AFF1: variants seen among roughly 807,000 people sequenced by gnomAD.
AFF1 encodes ALF transcription elongation factor 1, also known as AF4/FMR2 family member 1.
Under a neutral mutation model 121.7 loss-of-function variants are expected in AFF1, and 48 were observed. The ratio of observed to expected loss-of-function variants is 0.39; its 90% confidence interval spans 0.31 to 0.50. The LOEUF (loss-of-function observed/expected upper bound fraction) is 0.50. AFF1 is among the 20% of genes least tolerant of loss of function. The probability of loss-of-function intolerance (pLI) is 0.76; values close to 1 mark genes in which losing one functional copy is unlikely to be tolerated. For synonymous variants in AFF1, 613 were observed against 563.0 expected (o/e 1.09, Z -1.26); for missense variants, 1,523 against 1,511.7 (o/e 1.01, Z -0.12).
At chr4:86,975,576 C>T (rs1171591949) in intron 2 of AFF1, among the ~76,000 whole-genome samples, 3 of 152,174 alleles carry the variant, frequency 2.0e-5, no homozygotes, top group Non-Finnish European at 4.4e-5. Flanking sequence ...TATTTGGTTT[C>T]AGTCCAACAA....
At position 87,084,262 on chromosome 4, in the gene AFF1, G is replaced by T. The variant is rs1405242943; in HGVS notation, c.1104+98G>T. The T allele has an allele frequency of 5.3e-6, 7 of 1,328,282 alleles. No individual in the cohort carries two copies. The East Asian group carries it at 1.6e-4, about 31-fold the overall frequency. 82.3% of individuals were successfully genotyped at this position (1,328,282 alleles called of 1,614,324 possible). A position where few individuals can be genotyped will look rare whatever the true frequency, so the allele number is the denominator to read the frequency against. ...TTTAAAGAACAGTTGCCATTGGCTG[G>T]GTGCGGTGGCTCATGCCTGTAATCC... On this transcript the variant is annotated intron_variant, in intron 5 of 20. Coordinates refer to ENST00000395146, the MANE Select transcript of AFF1 (RefSeq NM_001166693.3).
chr4:86,957,597 C>CAGTGTTGTGATCTCCAA (rs755534586), intron 2 of AFF1, among the ~76,000 whole-genome samples: 18 of 152,226 alleles, frequency 1.2e-4, no homozygotes, highest in East Asian at 7.7e-4. Context: ...GGCTGGAGTG[C>CAGTGTTGTGATCTCCAA]AGTGTTGTGA....
intron 2 of AFF1, among the ~76,000 whole-genome samples, chr4:87,042,662 C>T (rs979975563): frequency 5.3e-5 from 8 of 152,054 alleles, no homozygotes; most frequent in Non-Finnish European, 1.0e-4. Context: ...ACATGTCTGC[C>T]GATAAAATCT....
intron 1 of AFF1, among the ~76,000 whole-genome samples, chr4:86,947,240 T>C (rs1720931751): frequency 6.6e-6 from 1 of 152,216 alleles, no homozygotes; most frequent in East Asian, 1.9e-4. Context: ...AGATCTCTGC[T>C]AGTGTGAGTT....
chr4:87,114,243 A>G (rs1726840869), intron 11 of AFF1, 124 bp from the exon 12 acceptor site: 1 of 797,944 alleles, frequency 1.3e-6, no homozygotes, highest in Non-Finnish European at 1.9e-6. Context: ...ACCGGAACCT[A>G]AATTCTGGGT....
intron 2 of AFF1, among the ~76,000 whole-genome samples, chr4:87,041,111 A>G (rs1425209132): frequency 2.6e-5 from 4 of 151,878 alleles, no homozygotes; most frequent in Admixed American, 2.6e-4. Flanking sequence ...TCCTGACCTC[A>G]AGTGATCCGC....
intron 4 of AFF1, among the ~76,000 whole-genome samples, chr4:87,060,517 G>A (rs920644612): frequency 3.9e-5 from 6 of 152,160 alleles, no homozygotes; most frequent in East Asian, 1.9e-4. Flanking sequence ...AGACCACAAC[G>A]GTATCATTAA....
chr4:87,069,728 C>T (rs904216682), intron 4 of AFF1, among the ~76,000 whole-genome samples: 6 of 150,680 alleles, frequency 4.0e-5, no homozygotes, highest in Non-Finnish European at 8.8e-5. Context: ...AGTTTTGTAT[C>T]TGGAGAAAAT....
chr4:87,111,003 TTTTTTTTTA>T (rs1227752628), intron 11 of AFF1, among the ~76,000 whole-genome samples: 2 of 83,088 alleles, frequency 2.4e-5, no homozygotes, highest in African/African-American at 1.1e-4. Context: ...ACTTTATTTT[TTTTTTTTTA>T]TTTTTTTTTT....
rs1560547424 is a variant in AFF1, at chr4:87,022,587, T to TA, written c.39-23579_39-23578insA. On this transcript the variant is annotated intron_variant, in intron 2 of 20. Coordinates refer to ENST00000395146, the MANE Select transcript of AFF1 (RefSeq NM_001166693.3). ...ATATATATATATATATATATATCTA[T>TA]CTATATCTATCTGTGTGTATATATA... Among the ~76,000 whole-genome samples the TA allele has an allele frequency of 2.1e-3, 195 of 91,684 alleles. 1 individual carries two copies. The highest frequency in any genetic ancestry group is 0.01 in the African/African-American group (178 of 17,306). The allele number at this position is 91,684 out of a possible 152,430, so 60.1% of individuals were successfully genotyped here. A position where few individuals can be genotyped will look rare whatever the true frequency, so the allele number is the denominator to read the frequency against.
At chr4:86,945,319 CTTTTTTTTT>C (rs72025655) in intron 1 of AFF1, among the ~76,000 whole-genome samples, 4 of 111,692 alleles carry the variant, frequency 3.6e-5, no homozygotes, top group African/African-American at 8.5e-5. Flanking sequence ...TTTTCTTTTC[CTTTTTTTTT>C]TTTTTTTTTT....
intron 2 of AFF1, among the ~76,000 whole-genome samples, chr4:86,954,760 T>C (rs1447653234): frequency 1.3e-5 from 2 of 152,104 alleles, no homozygotes; most frequent in Non-Finnish European, 2.9e-5. Context: ...GTATTTACTG[T>C]TCATTAAGTG....
intron 2 of AFF1, among the ~76,000 whole-genome samples, chr4:86,984,523 C>T (rs1051202257): frequency 6.6e-6 from 1 of 151,934 alleles, no homozygotes; most frequent in African/African-American, 2.4e-5. Context: ...AGGGTTTCAC[C>T]GTGTTGCCCA....
intron 2 of AFF1, among the ~76,000 whole-genome samples, chr4:86,987,725 G>A (rs1026567179): frequency 1.4e-4 from 21 of 152,136 alleles, no homozygotes; most frequent in African/African-American, 5.1e-4. Context: ...GGCCGAGGCG[G>A]GTGGATTACT....
chr4:86,993,799 C>T (rs1724908404), intron 2 of AFF1, among the ~76,000 whole-genome samples: 1 of 151,902 alleles, frequency 6.6e-6, no homozygotes, highest in African/African-American at 2.4e-5. Context: ...CCCATCTCTA[C>T]TAAAAATACA....
At chr4:87,117,733 G>A (rs1292105286) in intron 12 of AFF1, among the ~76,000 whole-genome samples, 2 of 152,166 alleles carry the variant, frequency 1.3e-5, no homozygotes, top group Non-Finnish European at 2.9e-5. Context: ...CCAGTCAACC[G>A]TATTCTTATT....
chr4:87,017,609 A>T (rs983743127), intron 2 of AFF1, among the ~76,000 whole-genome samples: 1 of 152,242 alleles, frequency 6.6e-6, no homozygotes, highest in East Asian at 1.9e-4. Flanking sequence ...CCTTTATTTT[A>T]TAATTGCAAA....
At position 87,015,414 on chromosome 4, in the gene AFF1, G is replaced by A. The variant is rs570511775; in HGVS notation, c.39-30752G>A. Among the ~76,000 whole-genome samples, 7 of 152,266 alleles carry A rather than the reference G, an allele frequency of 4.6e-5. No individual in the cohort carries two copies. In the East Asian group the frequency reaches 7.7e-4, roughly 17 times the overall value. On this transcript the variant is annotated intron_variant, in intron 2 of 20. Coordinates refer to ENST00000395146, the MANE Select transcript of AFF1 (RefSeq NM_001166693.3). ...GTGTATTACCTTAATACATAATTGA[G>A]GTTTTGCAACCTAAAAATATTGGAA... is the stretch of plus-strand genomic sequence containing the variant.
At chr4:87,098,822 G>C (rs1412471382) in intron 8 of AFF1, among the ~76,000 whole-genome samples, 1 of 152,222 alleles carries the variant, frequency 6.6e-6, no homozygotes, top group African/African-American at 2.4e-5. Context: ...TGAAGGCTGA[G>C]ATTGGGATTG....
Sources: gnomAD v4.1 joint callset for allele counts (sites outside exome capture counted in the v4.1 genomes callset) on GRCh38, gnomAD v4.1.1 for gene constraint, MANE v1.5 for transcripts, NCBI Gene and HGNC (gene_info 2026-07-23, HGNC 2026-07-21) for gene names.